Variants in FER1L5 observed in about 807,000 individuals in gnomAD.
FER1L5 encodes fer-1-like protein 5.
Under a neutral mutation model 279.9 loss-of-function variants are expected in FER1L5, and 187 were observed. That is an observed-to-expected ratio of 0.67 (90% CI 0.59 to 0.75). The LOEUF (loss-of-function observed/expected upper bound fraction) is 0.75. Ranked by LOEUF, FER1L5 falls within the 30% of genes least tolerant of loss-of-function variation. The pLI is 0.00. For missense variants in FER1L5, 2,091 were observed against 2,594.4 expected, an observed-to-expected ratio of 0.81 and a Z score of 4.21; for synonymous variants, 921 against 989.7, an observed-to-expected ratio of 0.93 and a Z score of 1.30.
chr2:96,665,547 C>T (rs1573842091), intron 14 of FER1L5, among the ~76,000 whole-genome samples: 1 of 152,080 alleles, frequency 6.6e-6, no homozygotes, highest in African/African-American at 2.4e-5. Flanking sequence ...TGTTCTGTGG[C>T]TGTTCAGAGC....
rs35497973 is a variant in FER1L5 at position 96,703,809 on chromosome 2, C to CTT, written c.5801+199_5801+200dup. Among the ~76,000 whole-genome samples, 814 of 89,382 alleles carry CTT rather than the reference C, an allele frequency of 9.1e-3. 10 individuals are homozygous for CTT. The highest frequency in any genetic ancestry group is 0.013 in the Non-Finnish European group (589 of 45,620). The allele number at this position is 89,382 out of a possible 152,430, so 58.6% of individuals were successfully genotyped here. On this transcript the variant is annotated intron_variant, in intron 51 of 52. Transcript: ENST00000624922. ...GAGGGTTGGAGTAAGCAAAAGTTGC[C>CTT]TTTTTTTTTTTTTTTTTTTTTTTGA...
intron 19 of FER1L5, among the ~76,000 whole-genome samples, chr2:96,683,411 C>T (rs1011368431): frequency 6.6e-6 from 1 of 152,132 alleles, no homozygotes; most frequent in Non-Finnish European, 1.5e-5. Context: ...ACTGCCATCT[C>T]TCTGTCTCCC....
chr2:96,684,086 C>T (rs2076832245), intron 19 of FER1L5, among the ~76,000 whole-genome samples: 1 of 152,216 alleles, frequency 6.6e-6, no homozygotes, highest in Admixed American at 6.5e-5. Flanking sequence ...TGGATTTTCC[C>T]ACTGGAAACT....
At chr2:96,692,741 C>T (rs2077201142) in intron 31 of FER1L5, among the ~76,000 whole-genome samples, 1 of 152,118 alleles carries the variant, frequency 6.6e-6, no homozygotes, top group Non-Finnish European at 1.5e-5. Context: ...TGTGCTCCAG[C>T]CTGGTCCTTA....
intron 19 of FER1L5, among the ~76,000 whole-genome samples, chr2:96,679,370 C>T (rs908833563): frequency 6.6e-6 from 1 of 152,118 alleles, no homozygotes. Context: ...ATTACAGGCG[C>T]GTGTCACCAC....
chr2:96,702,135 T>C lies in FER1L5; in HGVS notation c.5159+92T>C. Reference sequence around the variant, plus strand: ...ACTGTCCTCAGGTACTGAGCTGCAGTAATTCGTTTCTCTATTGGGAAGAGA... The same window carrying C: ...ACTGTCCTCAGGTACTGAGCTGCAGCAATTCGTTTCTCTATTGGGAAGAGA... On this transcript the variant is annotated intron_variant, in intron 46 of 52. Transcript: ENST00000624922. This position sits in a 1 kb window ranked among gnomAD's most constrained non-coding sequence, Gnocchi z 4.0. The C allele has an allele frequency of 6.4e-7, 1 of 1,570,406 alleles. No individual in the cohort carries two copies. The highest frequency in any genetic ancestry group is 1.1e-5 in the South Asian group (1 of 87,552).
chr2:96,690,655 G>C, intron 27 of FER1L5, 66 bp downstream of exon 27: 1 of 1,437,012 alleles, frequency 7.0e-7, no homozygotes, highest in Non-Finnish European at 9.6e-7. Flanking sequence ...CAGCCAGCAG[G>C]GTGGGATCAG....
At position 96,703,256 on chromosome 2, in the gene FER1L5, C is replaced by A; in HGVS notation, c.5601C>A (p.Ile1867=). 6.2e-7 allele frequency: 1 copy of A among 1,613,936 alleles called. No individual in the cohort carries two copies. Among genetic ancestry groups the A allele is most frequent in the Non-Finnish European group, 8.5e-7 (1 of 1,179,880 alleles). The change falls in exon 50 of 53, where the codon ATC becomes ATA. Residue 1867 remains isoleucine (I), a synonymous_variant. Coordinates refer to ENST00000624922, the MANE Select transcript of FER1L5 (RefSeq NM_001293083.2). ...MDADPKWPYF[I]QYKHFSLFKK... is the part of the protein sequence containing the mutation. ...CCGACCCCAAGTGGCCCTATTTCAT[C>A]CAATACAAGCACTTCTCCCTCTTTA...
At chr2:96,692,019 C>CT (rs1048996653) in intron 30 of FER1L5, 56 bp downstream of exon 30, 2 of 890,264 alleles carry the variant, frequency 2.2e-6, no homozygotes. Flanking sequence ...TACCCGAGGG[C>CT]GGGGGGGGGG....
chr2:96,680,099 G>A (rs1438977485), intron 19 of FER1L5, among the ~76,000 whole-genome samples: 1 of 152,008 alleles, frequency 6.6e-6, no homozygotes, highest in Non-Finnish European at 1.5e-5. Context: ...CCTTGGCTTC[G>A]GTGGCGGTCA....
chr2:96,703,637 G>T lies in FER1L5; in HGVS notation c.5801+5G>T. On this transcript the variant is annotated splice_donor_5th_base_variant and intron_variant, in intron 51 of 52. Transcript: ENST00000624922. ...CCCCACACTTCATCCTCCCCTGTAA[G>T]GGTCCTTGGGGCAAAAGCACCAGAT... 4 of 1,613,460 alleles carry T rather than the reference G, an allele frequency of 2.5e-6. No individual in the cohort carries two copies. Among genetic ancestry groups the T allele is most frequent in the Non-Finnish European group, 3.4e-6 (4 of 1,179,488 alleles).
intron 18 of FER1L5, 21 bp downstream of exon 18, chr2:96,670,268 A>G (rs960535885): frequency 1.0e-5 from 16 of 1,550,192 alleles, no homozygotes; most frequent in Non-Finnish European, 1.3e-5. Flanking sequence ...GAAACAGGTA[A>G]CCCAGGGAAA....
chr2:96,698,025 ACACCTCTG>A lies in FER1L5; in HGVS notation c.4237-9_4237-2del. On this transcript the variant is annotated splice_region_variant and splice_polypyrimidine_tract_variant and intron_variant, in intron 39 of 52. Coordinates refer to ENST00000624922, the MANE Select transcript of FER1L5 (RefSeq NM_001293083.2). The surrounding 1 kb of genome is among the most constrained non-coding windows in gnomAD (Gnocchi z 5.5). ...CAGTCTCCACCAGCCAGGGTTCCAC[ACACCTCTG>A]CAGGTGTATGAGTGTGAGCTGGAGG... The A allele has an allele frequency of 6.4e-7, 1 of 1,557,442 alleles. No homozygotes were observed. Among genetic ancestry groups the A allele is most frequent in the African/African-American group, 1.4e-5 (1 of 73,410 alleles).
intron 14 of FER1L5, among the ~76,000 whole-genome samples, chr2:96,666,170 A>T (rs970252178): frequency 6.6e-6 from 1 of 150,428 alleles, no homozygotes; most frequent in Non-Finnish European, 1.5e-5. Context: ...AGCAGAGCCC[A>T]GGGCACTGCA....
intron 19 of FER1L5, among the ~76,000 whole-genome samples, chr2:96,679,231 T>G (rs1255452296): frequency 1.3e-5 from 2 of 151,654 alleles, no homozygotes; most frequent in East Asian, 1.9e-4. Flanking sequence ...ACCTATAGTT[T>G]TTTTTTTTTT....
intron 20 of FER1L5, 31 bp downstream of exon 20, chr2:96,684,482 A>G: frequency 6.5e-7 from 1 of 1,544,342 alleles, no homozygotes; most frequent in Non-Finnish European, 8.8e-7. Flanking sequence ...TGCTGGGAAG[A>G]CACCTGTTTC....
chr2:96,670,867 G>C (rs1326135963), intron 18 of FER1L5, among the ~76,000 whole-genome samples: 1 of 152,022 alleles, frequency 6.6e-6, no homozygotes, highest in African/African-American at 2.4e-5. Flanking sequence ...CACTTTGGGA[G>C]GCTCAGGCGG....
chr2:96,647,036 G>A (rs1454579725), intron 2 of FER1L5, 28 bp from the exon 3 acceptor site: 1 of 1,547,568 alleles, frequency 6.5e-7, no homozygotes, highest in African/African-American at 1.4e-5. Flanking sequence ...GCAGAGGGAG[G>A]ATGCTGACCT....
At position 96,653,349 on chromosome 2, in the gene FER1L5, A is replaced by G. The variant is rs532541924; in HGVS notation, c.634-291A>G. On this transcript the variant is annotated intron_variant, in intron 7 of 52. Transcript: ENST00000624922. ...TTTCAGATTTTTTTTGGGAATCTGG[A>G]ATATTTGCATTGTACCAGTTCAGCA... 5.0e-5 allele frequency: 18 copies of G among 361,190 alleles called. No homozygotes were observed. In the South Asian group the frequency reaches 5.7e-4, roughly 11 times the overall value. The allele number at this position is 361,190 out of a possible 1,614,324, so 22.4% of individuals were successfully genotyped here. A position where few individuals can be genotyped will look rare whatever the true frequency, so the allele number is the denominator to read the frequency against.
Sources: allele counts gnomAD v4.1 joint callset (sites outside exome capture counted in the v4.1 genomes callset), GRCh38; gene constraint gnomAD v4.1.1; non-coding constraint Gnocchi (gnomAD v3.1); transcripts MANE v1.5; gene names NCBI Gene and HGNC (gene_info 2026-07-23, HGNC 2026-07-21).